NUDT6: variants seen among roughly 807,000 people sequenced by gnomAD.
The protein encoded by NUDT6 is FAD diphosphatase NUDT6.
NUDT6 carries 24 observed loss-of-function variants against 36.8 expected under a neutral mutation model. The observed-to-expected ratio is 0.65, with a 90% CI of 0.47 to 0.92. NUDT6 has a LOEUF of 0.92. NUDT6 is among the 40% of genes least tolerant of loss of function. NUDT6 has a pLI of 0.00. For synonymous variants in NUDT6, 163 were observed against 157.0 expected (o/e 1.04, Z -0.29); for missense variants, 388 against 392.8 (o/e 0.99, Z 0.10).
chr4:122,913,690 G>T (rs933280082), intron 2 of NUDT6, among the ~76,000 whole-genome samples: 2 of 152,010 alleles, frequency 1.3e-5, no homozygotes, highest in Non-Finnish European at 2.9e-5. Flanking sequence ...TGCTTTGGAA[G>T]AGTTCTTTGT....
Position 122,892,927 on chromosome 4 carries a change from C to T in NUDT6, c.852G>A (p.Leu284=). 6.2e-7 allele frequency: 1 copy of T among 1,614,122 alleles called. No homozygotes were observed. Among genetic ancestry groups the T allele is most frequent in the Non-Finnish European group, 8.5e-7 (1 of 1,180,012 alleles). The change falls in exon 5 of 5, where the codon CTG becomes CTA. Residue 284 remains leucine, a synonymous_variant. Coordinates refer to ENST00000304430, the MANE Select transcript of NUDT6 (RefSeq NM_007083.5). ...AAACTGCTGGAAGTTCTTCCACAGT[C>T]AGGTCAATTTTGTCAAACCCTTCTC... ...GYREGFDKID[L]TVEELPAVYT... is the part of the protein sequence containing the mutation.
chr4:122,921,394 CCGGGAGACTGAGACCAGCCTGGGCAACA>C (rs1727985653), intron 1 of NUDT6: 1 of 151,856 alleles, frequency 6.6e-6, no homozygotes, highest in Admixed American at 6.6e-5. Context: ...TCAGTTGAGC[CCGGGAGACTGAGACCAGCCTGGGCAACA>C]CAGTGAGACA....
chr4:122,906,853 G>T (rs1196164741), intron 3 of NUDT6, among the ~76,000 whole-genome samples: 1 of 152,108 alleles, frequency 6.6e-6, no homozygotes, highest in Non-Finnish European at 1.5e-5. Context: ...GTGACCTCTG[G>T]TCATCCTTAC....
intron 1 of NUDT6, 113 bp downstream of exon 1, chr4:122,922,222 C>T (rs1248431040): frequency 5.6e-6 from 5 of 892,432 alleles, no homozygotes; most frequent in Non-Finnish European, 1.6e-6. Context: ...TGCCTTCTCC[C>T]TTTCCCTCTG....
At chr4:122,911,917 T>G (rs1727739735) in intron 3 of NUDT6, among the ~76,000 whole-genome samples, 1 of 152,224 alleles carries the variant, frequency 6.6e-6, no homozygotes, top group Non-Finnish European at 1.5e-5. Context: ...ATCTTACCAC[T>G]GTCCATATTC....
At chr4:122,917,887 A>AT (rs1245754045) in intron 1 of NUDT6, 183 bp from the exon 2 acceptor site, 34 of 590,094 alleles carry the variant, frequency 5.8e-5, no homozygotes, top group Non-Finnish European at 9.8e-5. Flanking sequence ...TGTTTATATG[A>AT]TTTTTCCATC....
At chr4:122,908,941 A>G (rs1453572123) in intron 3 of NUDT6, among the ~76,000 whole-genome samples, 1 of 152,200 alleles carries the variant, frequency 6.6e-6, no homozygotes, top group Non-Finnish European at 1.5e-5. Context: ...TTTCTTTCTT[A>G]CTTACAGTCT....
chr4:122,914,576 T>C (rs1219009323), intron 2 of NUDT6, among the ~76,000 whole-genome samples: 2 of 152,242 alleles, frequency 1.3e-5, no homozygotes, highest in South Asian at 2.1e-4. Context: ...AGCTCAGGTA[T>C]AAGTCACAAT....
At chr4:122,899,044 A>AGTTTTTTTTTTTTTTTTTTTTT (rs550689318) in intron 3 of NUDT6, among the ~76,000 whole-genome samples, 1 of 69,428 alleles carries the variant, frequency 1.4e-5, no homozygotes, top group African/African-American at 4.5e-5. Context: ...ACCACACCTA[A>AGTTTTTTTTTTTTTTTTTTTTT]TTTTTTTTTT....
intron 3 of NUDT6, among the ~76,000 whole-genome samples, chr4:122,906,478 C>T (rs1727618473): frequency 6.6e-6 from 1 of 152,048 alleles, no homozygotes; most frequent in Admixed American, 6.6e-5. Flanking sequence ...TACTATATGC[C>T]AGGGCTTATC....
At position 122,922,163 on chromosome 4, in the gene NUDT6, G is replaced by A. The variant is rs368046562; in HGVS notation, c.238+172C>T. The A allele has an allele frequency of 1.6e-4, 80 of 485,756 alleles. No individual in the cohort carries two copies. In the South Asian group the frequency reaches 4.1e-3, roughly 25 times the overall value. The allele number at this position is 485,756 out of a possible 1,614,324, so 30.1% of individuals were successfully genotyped here. A position where few individuals can be genotyped will look rare whatever the true frequency, so the allele number is the denominator to read the frequency against. On this transcript the variant is annotated intron_variant, in intron 1 of 4. Coordinates refer to ENST00000304430, the MANE Select transcript of NUDT6 (RefSeq NM_007083.5). ...ACCCAACCGCCTTAGAGACCTCCCA[G>A]CAAAAGGTCTAAGCACGAATGCTCC...
At chr4:122,915,652 C>T (rs1360117399) in intron 2 of NUDT6, among the ~76,000 whole-genome samples, 1 of 152,096 alleles carries the variant, frequency 6.6e-6, no homozygotes, top group Non-Finnish European at 1.5e-5. Flanking sequence ...GTACAATATA[C>T]AATATAGTAC....
intron 2 of NUDT6, among the ~76,000 whole-genome samples, chr4:122,915,409 G>A (rs1160946764): frequency 1.4e-5 from 2 of 145,750 alleles, no homozygotes; most frequent in Non-Finnish European, 3.0e-5. Flanking sequence ...GGTGGAGGTC[G>A]GAATGAGCCC....
At chr4:122,913,763 A>G (rs1727776628) in intron 2 of NUDT6, among the ~76,000 whole-genome samples, 2 of 151,716 alleles carry the variant, frequency 1.3e-5, no homozygotes, top group Admixed American at 6.6e-5. Context: ...TACACATTGC[A>G]TATTCTCTCT....
At chr4:122,902,538 C>T (rs993502797) in intron 3 of NUDT6, among the ~76,000 whole-genome samples, 1 of 152,082 alleles carries the variant, frequency 6.6e-6, no homozygotes, top group Non-Finnish European at 1.5e-5. Context: ...AATATTCATT[C>T]GTTTTATTAT....
chr4:122,893,225 C>T lies in NUDT6; in HGVS notation c.554G>A (p.Gly185Glu). 3 of 1,587,068 alleles carry T rather than the reference C, an allele frequency of 1.9e-6. No individual in the cohort carries two copies. Among genetic ancestry groups the T allele is most frequent in the South Asian group, 1.1e-5 (1 of 87,014 alleles). ...AAAAACTTCTCGAACCGCTGTGTCTCCTACGTAAAAAAAGAGATGTACAAA... is the reference window on the plus strand; with the variant it reads ...AAAAACTTCTCGAACCGCTGTGTCTTCTACGTAAAAAAAGAGATGTACAAA... ...GGLSEPEEDI[G>E]DTAVREVFEE... The change falls in exon 5 of 5, where the codon GGA becomes GAA. Residue 185 changes from glycine (G) to glutamate (E), a missense_variant and splice_region_variant. Transcript: ENST00000304430.
At chr4:122,895,390 G>T (rs1396933362) in intron 4 of NUDT6, 2 of 152,114 alleles carry the variant, frequency 1.3e-5, no homozygotes, top group Non-Finnish European at 2.9e-5. Context: ...ATAATGAAAT[G>T]GAGTTTATAT....
At chr4:122,906,592 G>A (rs1194787293) in intron 3 of NUDT6, among the ~76,000 whole-genome samples, 2 of 152,150 alleles carry the variant, frequency 1.3e-5, no homozygotes, top group Non-Finnish European at 2.9e-5. Flanking sequence ...TAGAGGATAG[G>A]AGATGCCCCT....
chr4:122,897,754 C>A, intron 3 of NUDT6, 76 bp from the exon 4 acceptor site: 1 of 1,016,802 alleles, frequency 9.8e-7, no homozygotes, highest in Admixed American at 1.8e-5. Flanking sequence ...ACAAAATCCA[C>A]CTATAATTGG....
Sources: gnomAD v4.1 joint callset for allele counts (sites outside exome capture counted in the v4.1 genomes callset) on GRCh38, gnomAD v4.1.1 for gene constraint, MANE v1.5 for transcripts, NCBI Gene and HGNC (gene_info 2026-07-23, HGNC 2026-07-21) for gene names.